Variants in LTBP2 observed in about 807,000 individuals in gnomAD.
LTBP2 encodes the protein latent-transforming growth factor beta-binding protein 2.
LTBP2 carries 103 observed loss-of-function variants against 210.6 expected under a neutral mutation model. That is an observed-to-expected ratio of 0.49 (90% CI 0.42 to 0.58). The LOEUF (loss-of-function observed/expected upper bound fraction) is 0.58, where lower values mean the gene tolerates loss of function less well. Ranked by LOEUF, LTBP2 falls within the 20% of genes least tolerant of loss-of-function variation. The pLI, the probability that LTBP2 is intolerant of heterozygous loss-of-function variation, is 0.00. For missense variants in LTBP2, 2,313 were observed against 2,494.5 expected (o/e 0.93, Z 1.55); for synonymous variants, 1,007 against 1,015.0 (o/e 0.99, Z 0.15).
intron 3 of LTBP2, among the ~76,000 whole-genome samples, 171 bp from the exon 4 acceptor site, chr14:74,555,864 C>G (rs1595273747): frequency 6.6e-6 from 1 of 152,256 alleles, no homozygotes; most frequent in African/African-American, 2.4e-5. Flanking sequence ...GGCAGAAGGA[C>G]TGATCTAAGG....
At chr14:74,533,059 T>C (rs72732130) in intron 9 of LTBP2, among the ~76,000 whole-genome samples, 15,858 of 152,260 alleles carry the variant, frequency 0.1, 1,068 homozygotes, top group Non-Finnish European at 0.14. Flanking sequence ...TGCCCATGGC[T>C]GGTCTCAAAC....
chr14:74,594,571 C>T (rs575342968), intron 2 of LTBP2, among the ~76,000 whole-genome samples: 5 of 152,314 alleles, frequency 3.3e-5, no homozygotes, highest in African/African-American at 7.2e-5. Context: ...CCTTCGCAGA[C>T]GGGACAGTTT....
intron 3 of LTBP2, among the ~76,000 whole-genome samples, chr14:74,571,671 C>T (rs1025387244): frequency 1.3e-5 from 2 of 152,334 alleles, no homozygotes; most frequent in Non-Finnish European, 2.9e-5. Flanking sequence ...CCTGGAAGGG[C>T]GTGGCCTGGC....
At position 74,527,351 on chromosome 14, in the gene LTBP2, C is replaced by T. The variant is rs746072062; in HGVS notation, c.2384G>A (p.Gly795Asp). 1 of 1,611,450 alleles carries T rather than the reference C, an allele frequency of 6.2e-7. No homozygotes were observed. Among genetic ancestry groups the T allele is most frequent in the Non-Finnish European group, 8.5e-7 (1 of 1,179,156 alleles). Residue 795 changes from glycine to aspartate, a missense_variant, in exon 13 of 36, where the codon GGC becomes GAC. By Grantham distance (94) the Gly-to-Asp change is moderately conservative. This residue lies in a region of LTBP2 where 1,867 missense variants were observed against 1,976.9 expected (regional missense o/e 0.94). Coordinates refer to ENST00000261978, the MANE Select transcript of LTBP2 (RefSeq NM_000428.3). ...CTAGTGGGAGGACGCACTCACCTGG[C>T]CAGCCTGAGAGTCACCTGGAAGGGA... ...TIPDKGDSQA[G>D]QVTTSVTHAP... is the part of the protein sequence containing the mutation.
chr14:74,503,730 A>G, intron 31 of LTBP2, 124 bp from the exon 32 acceptor site: 1 of 1,381,202 alleles, frequency 7.2e-7, no homozygotes, highest in East Asian at 2.7e-5. Context: ...CCCTCAACCC[A>G]GCCCAGCCTG....
intron 3 of LTBP2, among the ~76,000 whole-genome samples, chr14:74,568,063 T>C (rs3784027): frequency 0.049 from 7,438 of 152,140 alleles, 198 homozygotes; most frequent in Middle Eastern, 0.095. Context: ...AGGCCGAGCA[T>C]ACCTGGTGCC....
At position 74,503,157 on chromosome 14, in the gene LTBP2, G is replaced by C. The variant is rs200521956; in HGVS notation, c.4888+62C>G. The C allele has an allele frequency of 1.5e-3, 2,396 of 1,600,092 alleles. 12 individuals are homozygous for C. Among genetic ancestry groups the C allele is most frequent in the Middle Eastern group, 5.3e-3 (27 of 5,096 alleles). ...TTCTAGATCCCCAGTTCCAAGGTGA[G>C]GGCATCCCCCTCCCTGGGGCCTGGC... On this transcript the variant is annotated intron_variant, in intron 33 of 35. Coordinates refer to ENST00000261978, the MANE Select transcript of LTBP2 (RefSeq NM_000428.3).
At chr14:74,589,420 T>C (rs1187720829) in intron 2 of LTBP2, among the ~76,000 whole-genome samples, 1 of 152,172 alleles carries the variant, frequency 6.6e-6, no homozygotes, top group Non-Finnish European at 1.5e-5. Context: ...GACCAGTCTA[T>C]CAGCAGAGAG....
chr14:74,540,812 A>ATATATAT (rs2087487785), intron 8 of LTBP2, among the ~76,000 whole-genome samples: 1 of 7,702 alleles, frequency 1.3e-4, no homozygotes, highest in African/African-American at 1.6e-4. Flanking sequence ...TATATATAAT[A>ATATATAT]TATATATATT....
chr14:74,610,130 T>C (rs542144000), intron 1 of LTBP2, among the ~76,000 whole-genome samples: 2 of 152,260 alleles, frequency 1.3e-5, no homozygotes, highest in East Asian at 1.9e-4. Flanking sequence ...GACACAGAAA[T>C]GGACACAACG....
intron 3 of LTBP2, among the ~76,000 whole-genome samples, chr14:74,571,452 C>T (rs904214316): frequency 6.6e-6 from 1 of 152,172 alleles, no homozygotes; most frequent in African/African-American, 2.4e-5. Flanking sequence ...TCATCCCCAG[C>T]CTACAGATGA....
At chr14:74,541,972 A>G (rs913131804) in intron 8 of LTBP2, among the ~76,000 whole-genome samples, 3 of 152,184 alleles carry the variant, frequency 2.0e-5, no homozygotes, top group African/African-American at 7.2e-5. Context: ...AGAATCTGTG[A>G]GACCTGGGGA....
At position 74,503,558 on chromosome 14, in the gene LTBP2, T is replaced by C; in HGVS notation, c.4631A>G (p.Asn1544Ser). ...DLACENGECV[N>S]TEGSFHCFCS... ...GAAGCAGTGGAAGGAGCCCTCCGTG[T>C]TGACGCACTCGCCATTCTCACAGGC... Residue 1544 changes from asparagine (N) to serine (S), a missense_variant, in exon 32 of 36, where the codon AAC (asparagine) becomes AGC (serine). Physicochemically the swap from Asn to Ser is conservative, Grantham distance 46 (BLOSUM62 1). Transcript: ENST00000261978. The C allele has an allele frequency of 6.2e-7, 1 of 1,613,886 alleles. No homozygotes were observed. The highest frequency in any genetic ancestry group is 8.5e-7 in the Non-Finnish European group (1 of 1,180,004).
chr14:74,546,370 A>G (rs1206709934), intron 8 of LTBP2, among the ~76,000 whole-genome samples: 1 of 152,158 alleles, frequency 6.6e-6, no homozygotes, highest in African/African-American at 2.4e-5. Flanking sequence ...CACTTAAAGA[A>G]ATGTGCCCAC....
Position 74,596,262 on chromosome 14 carries a change from TAA to T in LTBP2, c.565+7371_565+7372del, listed in dbSNP as rs1205477506. On this transcript the variant is annotated intron_variant, in intron 2 of 35. Coordinates refer to ENST00000261978, the MANE Select transcript of LTBP2 (RefSeq NM_000428.3). ...ATAAATAAATAAATAAATAAATAAATAAAAATTAAAAACAAAGAAGTGGAGCA... is the reference window on the plus strand; with the variant it reads ...ATAAATAAATAAATAAATAAATAAATAAATTAAAAACAAAGAAGTGGAGCA... 4.9e-3 allele frequency among the ~76,000 whole-genome samples: 717 copies of T among 147,740 alleles called. 5 individuals are homozygous for T. The highest frequency in any genetic ancestry group is 0.018 in the African/African-American group (690 of 38,496).
At position 74,499,086 on chromosome 14, in the gene LTBP2, A is replaced by G. The variant is rs1364722944; in HGVS notation, c.*1798T>C. 4.6e-6 allele frequency: 1 copy of G among 218,004 alleles called. No homozygotes were observed. Among genetic ancestry groups the G allele is most frequent in the Non-Finnish European group, 9.2e-6 (1 of 108,508 alleles). The allele number at this position is 218,004 out of a possible 1,614,324, so 13.5% of individuals were successfully genotyped here. ...ACATTGCCATATTGTCCTCTTCAAT[A>G]TGTACTTCTGTCAGCTGTTATGAGA... On this transcript the variant is annotated 3_prime_UTR_variant, in exon 36 of 36. Coordinates refer to ENST00000261978, the MANE Select transcript of LTBP2 (RefSeq NM_000428.3).
intron 18 of LTBP2, among the ~76,000 whole-genome samples, chr14:74,515,254 T>A (rs948504219): frequency 6.4e-4 from 12 of 18,758 alleles, no homozygotes; most frequent in African/African-American, 2.2e-3. Context: ...TAAATCTGAT[T>A]TTTTTTTTTT....
intron 18 of LTBP2, among the ~76,000 whole-genome samples, chr14:74,511,874 C>G (rs1417045485): frequency 2.0e-5 from 3 of 152,192 alleles, no homozygotes; most frequent in African/African-American, 7.2e-5. Flanking sequence ...CCAAGACCAG[C>G]TCTGAGGCAG....
intron 8 of LTBP2, among the ~76,000 whole-genome samples, chr14:74,540,444 T>C (rs2087478144): frequency 6.6e-6 from 1 of 151,884 alleles, no homozygotes; most frequent in Admixed American, 6.6e-5. Flanking sequence ...CTGTACTCCA[T>C]GCTGGGCAAC....
Sources: allele counts gnomAD v4.1 joint callset (sites outside exome capture counted in the v4.1 genomes callset), GRCh38; gene constraint gnomAD v4.1.1; regional missense constraint gnomAD v4.1.1; transcripts MANE v1.5; gene names NCBI Gene and HGNC (gene_info 2026-07-23, HGNC 2026-07-21).